The following HCN1 variants were observed in gnomAD, a reference collection of about 807,000 sequenced individuals.
HCN1 encodes hyperpolarization activated cyclic nucleotide gated potassium channel 1, also known as potassium/sodium hyperpolarization-activated cyclic nucleotide-gated channel 1.
HCN1 carries 13 observed loss-of-function variants against 78.9 expected under a neutral mutation model. The ratio of observed to expected loss-of-function variants is 0.16; its 90% confidence interval spans 0.11 to 0.26. The LOEUF (loss-of-function observed/expected upper bound fraction) is 0.26. Among genes scored for constraint, HCN1 ranks in the 10% least tolerant of loss-of-function variants. The pLI is 1.00. For missense variants in HCN1, 810 were observed against 1,154.3 expected, an observed-to-expected ratio of 0.70 and a Z score of 4.32; for synonymous variants, 552 against 455.5, an observed-to-expected ratio of 1.21 and a Z score of -2.70.
intron 1 of HCN1, among the ~76,000 whole-genome samples, chr5:45,679,929 T>C (rs1390629132): frequency 1.3e-5 from 2 of 152,074 alleles, no homozygotes; most frequent in Non-Finnish European, 2.9e-5. Flanking sequence ...TAGGGCTGAA[T>C]ACACTGCACT....
chr5:45,272,819 A>C (rs1376728192), intron 6 of HCN1, among the ~76,000 whole-genome samples: 1 of 152,014 alleles, frequency 6.6e-6, no homozygotes, highest in Non-Finnish European at 1.5e-5. Context: ...ATAGATATGC[A>C]TGTTGATTTC....
chr5:45,409,749 A>G (rs1739990544), intron 3 of HCN1, among the ~76,000 whole-genome samples: 1 of 151,984 alleles, frequency 6.6e-6, no homozygotes, highest in Non-Finnish European at 1.5e-5. Context: ...CAATTCATAG[A>G]AAGTTGGAAT....
At chr5:45,619,970 C>G (rs1228526234) in intron 2 of HCN1, among the ~76,000 whole-genome samples, 1 of 151,950 alleles carries the variant, frequency 6.6e-6, no homozygotes, top group East Asian at 1.9e-4. Context: ...TCACCTTAAT[C>G]AAGTGATGAA....
Position 45,527,131 on chromosome 5 carries a change from C to T in HCN1, c.850-65124G>A, listed in dbSNP as rs1040553825. On this transcript the variant is annotated intron_variant, in intron 2 of 7. Coordinates refer to ENST00000303230, the MANE Select transcript of HCN1 (RefSeq NM_021072.4). ...TTTCCTACACAGACTGAGATAGATA[C>T]TATTCTTTTGAGCCCAGAAACTTCC... Among the ~76,000 whole-genome samples, 6 of 136,728 alleles carry T rather than the reference C, an allele frequency of 4.4e-5. 1 individual carries two copies. Among genetic ancestry groups the T allele is most frequent in the Non-Finnish European group, 9.6e-5 (6 of 62,642 alleles). 89.7% of individuals were successfully genotyped at this position (136,728 alleles called of 152,430 possible).
At chr5:45,481,979 AC>A (rs1741663408) in intron 2 of HCN1, among the ~76,000 whole-genome samples, 1 of 150,134 alleles carries the variant, frequency 6.7e-6, no homozygotes, top group South Asian at 2.1e-4. Context: ...AACAAAAAAA[AC>A]AAACAAAAAC....
In HCN1 at chr5:45,559,235, T is replaced by C. The variant is rs552680278; in HGVS notation, c.849+85950A>G. On this transcript the variant is annotated intron_variant, in intron 2 of 7. Transcript: ENST00000303230. The stretch of plus-strand genomic sequence containing the variant: ...AGGAAATTAATGCTGTTTTCATGAC[T>C]GATATCAAGGCATCCATTCTGCAGC... 2.0e-5 allele frequency: 3 copies of C among 152,270 alleles called. 1 individual carries two copies. In the South Asian group the frequency reaches 6.2e-4, roughly 32 times the overall value. The allele number at this position is 152,270 out of a possible 1,614,324, so 9.4% of individuals were successfully genotyped here. A position where few individuals can be genotyped will look rare whatever the true frequency, so the allele number is the denominator to read the frequency against.
chr5:45,298,419 T>G (rs887795126), intron 6 of HCN1, among the ~76,000 whole-genome samples: 3 of 151,844 alleles, frequency 2.0e-5, no homozygotes, highest in Admixed American at 1.3e-4. Context: ...AATTTTAGAC[T>G]GATAGGAACT....
At chr5:45,522,784 T>C (rs1002787558) in intron 2 of HCN1, among the ~76,000 whole-genome samples, 2 of 151,966 alleles carry the variant, frequency 1.3e-5, no homozygotes, top group African/African-American at 2.4e-5. Flanking sequence ...TTTTCCTAAA[T>C]AGTTGAAACA....
intron 5 of HCN1, among the ~76,000 whole-genome samples, chr5:45,346,763 T>C (rs1326895217): frequency 2.6e-5 from 4 of 152,172 alleles, no homozygotes; most frequent in Non-Finnish European, 4.4e-5. Flanking sequence ...CACTGATTGC[T>C]AGCACAGCAA....
intron 4 of HCN1, among the ~76,000 whole-genome samples, chr5:45,361,845 ATTGT>A (rs1248367677): frequency 1.3e-5 from 2 of 152,142 alleles, no homozygotes; most frequent in Admixed American, 6.6e-5. Context: ...TCAATTTAAC[ATTGT>A]TTAAGATTTA....
At chr5:45,457,035 C>T (rs1008303736) in intron 3 of HCN1, among the ~76,000 whole-genome samples, 6 of 151,836 alleles carry the variant, frequency 4.0e-5, no homozygotes, top group Non-Finnish European at 8.8e-5. Flanking sequence ...ATGTTAAAAC[C>T]TTCAAAATGA....
chr5:45,526,083 C>T (rs564659364), intron 2 of HCN1, among the ~76,000 whole-genome samples: 2 of 152,114 alleles, frequency 1.3e-5, no homozygotes, highest in East Asian at 1.9e-4. Flanking sequence ...GACTTCCACC[C>T]TCCACAACTG....
intron 4 of HCN1, among the ~76,000 whole-genome samples, chr5:45,359,256 G>A (rs959880766): frequency 1.9e-4 from 29 of 151,784 alleles, no homozygotes; most frequent in Non-Finnish European, 2.9e-4. Flanking sequence ...TTGTATTAGA[G>A]GGGCAAATCA....
At chr5:45,517,520 T>A (rs1034793337) in intron 2 of HCN1, among the ~76,000 whole-genome samples, 24 of 94,380 alleles carry the variant, frequency 2.5e-4, no homozygotes, top group South Asian at 4.2e-4. Context: ...AATTTCCCCT[T>A]AAAAAAAAAA....
chr5:45,343,191 G>C (rs993876312), intron 5 of HCN1, among the ~76,000 whole-genome samples: 1 of 152,206 alleles, frequency 6.6e-6, no homozygotes, highest in Non-Finnish European at 1.5e-5. Flanking sequence ...GTGGGGGAAA[G>C]GAAAGCTGGA....
At chr5:45,501,341 T>A (rs1742181106) in intron 2 of HCN1, among the ~76,000 whole-genome samples, 1 of 152,242 alleles carries the variant, frequency 6.6e-6, no homozygotes, top group South Asian at 2.1e-4. Flanking sequence ...TTTAATGCTA[T>A]CTTAATGTTA....
intron 3 of HCN1, among the ~76,000 whole-genome samples, chr5:45,423,338 AATCC>A (rs1740266736): frequency 6.6e-6 from 1 of 152,130 alleles, no homozygotes; most frequent in Non-Finnish European, 1.5e-5. Context: ...AAATCTCCTA[AATCC>A]ATCTCCTTTG....
At chr5:45,684,022 T>C (rs1739755986) in intron 1 of HCN1, among the ~76,000 whole-genome samples, 2 of 152,182 alleles carry the variant, frequency 1.3e-5, no homozygotes, top group Non-Finnish European at 2.9e-5. Context: ...GTCTCTATCT[T>C]TGAATCGTCC....
intron 5 of HCN1, among the ~76,000 whole-genome samples, chr5:45,341,840 G>A (rs1246965522): frequency 6.6e-6 from 1 of 152,178 alleles, no homozygotes; most frequent in Non-Finnish European, 1.5e-5. Context: ...GGAAGCTTCA[G>A]CAGAGTCTTC....
Sources: allele counts gnomAD v4.1 joint callset (sites outside exome capture counted in the v4.1 genomes callset), GRCh38; gene constraint gnomAD v4.1.1; transcripts MANE v1.5; gene names NCBI Gene and HGNC (gene_info 2026-07-23, HGNC 2026-07-21).